The following ITIH5 variants were observed in gnomAD, a reference collection of about 807,000 sequenced individuals.
ITIH5 encodes the protein inter-alpha-trypsin inhibitor heavy chain 5.
A neutral mutation model predicts 77.5 loss-of-function variants in ITIH5; 65 were observed. That is an observed-to-expected ratio of 0.84 (90% CI 0.69 to 1.03). ITIH5 has a LOEUF of 1.03. ITIH5 is among the 50% of genes least tolerant of loss of function. The pLI, the probability that ITIH5 is intolerant of heterozygous loss-of-function variation, is 0.00. For synonymous variants in ITIH5, 525 were observed against 494.3 expected, an observed-to-expected ratio of 1.06 and a Z score of -0.82; for missense variants, 1,208 against 1,213.1, an observed-to-expected ratio of 1.00 and a Z score of 0.06.
At chr10:7,658,600 G>A (rs1470051973) in intron 1 of ITIH5, among the ~76,000 whole-genome samples, 2 of 152,180 alleles carry the variant, frequency 1.3e-5, no homozygotes, top group Non-Finnish European at 2.9e-5. Context: ...GGAGACATGA[G>A]ATGTCAATCA....
chr10:7,611,930 T>TTTTTTTA (rs1554754075), intron 7 of ITIH5, among the ~76,000 whole-genome samples: 1 of 151,016 alleles, frequency 6.6e-6, no homozygotes, highest in Non-Finnish European at 1.5e-5. Flanking sequence ...TTTTTTTTTT[T>TTTTTTTA]ACATATTTTG....
In ITIH5 at chr10:7,560,291, A is replaced by T. The variant is rs1832017294; in HGVS notation, c.*2792T>A. 6.4e-6 allele frequency: 1 copy of T among 156,648 alleles called. No individual in the cohort carries two copies. The highest frequency in any genetic ancestry group is 1.4e-5 in the Non-Finnish European group (1 of 71,172). 9.7% of individuals were successfully genotyped at this position (156,648 alleles called of 1,614,324 possible). On this transcript the variant is annotated 3_prime_UTR_variant, in exon 14 of 14. Coordinates refer to ENST00000397146, the MANE Select transcript of ITIH5 (RefSeq NM_030569.7). ...ACATATGAATTTGGGGAAGACATAT[A>T]CACTCAATCCAAGGCATGTCGTTTA...
In ITIH5 at chr10:7,640,786, T is replaced by C; in HGVS notation, c.369A>G (p.Lys123=). The C allele has an allele frequency of 6.2e-7, 1 of 1,612,914 alleles. No homozygotes were observed. The highest frequency in any genetic ancestry group is 8.5e-7 in the Non-Finnish European group (1 of 1,178,938). Residue 123 remains lysine (K), a synonymous_variant, in exon 4 of 14, where the codon AAA becomes AAG. Transcript: ENST00000397146. ...CTTCTGTGGTTTTATTCCTTTTCTC[T>C]TTTACCCTATCACCACTCTTCTTTT... ...EREKKSGDRV[K]EKRNKTTEEN...
In ITIH5 at chr10:7,561,889, C is replaced by T. The variant is rs2050353; in HGVS notation, c.*1194G>A. ...CACAGTCTTTCTTTCTCTGCTGTTTCGCCCAAGCGCTCCCGGTATCCGTCC... is the reference window on the plus strand; with the variant it reads ...CACAGTCTTTCTTTCTCTGCTGTTTTGCCCAAGCGCTCCCGGTATCCGTCC... On this transcript the variant is annotated 3_prime_UTR_variant, in exon 14 of 14. Coordinates refer to ENST00000397146, the MANE Select transcript of ITIH5 (RefSeq NM_030569.7). 136,214 of 152,242 alleles carry T rather than the reference C, an allele frequency of 0.89. 62,757 individuals are homozygous for T. Among genetic ancestry groups the T allele is most frequent in the Non-Finnish European group, 0.99 (67,747 of 68,122 alleles). The allele number at this position is 152,242 out of a possible 1,614,324, so 9.4% of individuals were successfully genotyped here.
intron 8 of ITIH5, among the ~76,000 whole-genome samples, chr10:7,584,108 C>T (rs972286920): frequency 1.3e-5 from 2 of 152,134 alleles, no homozygotes; most frequent in Admixed American, 1.3e-4. Flanking sequence ...TGGATTCAAA[C>T]CCAGGCAGTC....
At chr10:7,618,428 C>T (rs1282923779) in intron 5 of ITIH5, 6 of 152,106 alleles carry the variant, frequency 3.9e-5, no homozygotes, top group African/African-American at 1.2e-4. Context: ...ATCTTTTAGT[C>T]CTGACCTTCA....
intron 2 of ITIH5, among the ~76,000 whole-genome samples, chr10:7,644,667 A>ATATATCACATC (rs1833962672): frequency 7.3e-6 from 1 of 136,822 alleles, no homozygotes; most frequent in African/African-American, 2.7e-5. Flanking sequence ...TATATATCAT[A>ATATATCACATC]TATATCACAT....
intron 1 of ITIH5, among the ~76,000 whole-genome samples, chr10:7,659,105 G>A (rs775668019): frequency 2.6e-5 from 4 of 152,120 alleles, no homozygotes; most frequent in African/African-American, 4.8e-5. Flanking sequence ...GGCTGGGCAC[G>A]GTGGCTCATG....
intron 10 of ITIH5, 82 bp downstream of exon 10, chr10:7,576,371 C>T: frequency 2.4e-6 from 3 of 1,226,350 alleles, no homozygotes; most frequent in Non-Finnish European, 3.3e-6. Context: ...AACACAGCTT[C>T]CTGCTGGGGC....
chr10:7,595,310 G>T (rs372130634), intron 7 of ITIH5, among the ~76,000 whole-genome samples: 2 of 150,864 alleles, frequency 1.3e-5, no homozygotes, highest in Admixed American at 1.3e-4. Context: ...TGAAAATCGC[G>T]CCCAGATAGA....
At chr10:7,575,125 C>T (rs746829976) in intron 10 of ITIH5, among the ~76,000 whole-genome samples, 3 of 152,238 alleles carry the variant, frequency 2.0e-5, no homozygotes, top group Non-Finnish European at 4.4e-5. Context: ...CCGAACTTTT[C>T]AATACATTTC....
At position 7,562,931 on chromosome 10, in the gene ITIH5, G is replaced by C; in HGVS notation, c.*152C>G. On this transcript the variant is annotated 3_prime_UTR_variant, in exon 14 of 14. Coordinates refer to ENST00000397146, the MANE Select transcript of ITIH5 (RefSeq NM_030569.7). ...CCTACCCACCCCTACCCTTCGCCCA[G>C]ACAGACGTCGGATCTATGCTGCACC... The C allele has an allele frequency of 1.3e-5, 6 of 448,162 alleles. No homozygotes were observed. The highest frequency in any genetic ancestry group is 8.6e-4 in the Middle Eastern group (1 of 1,162). The allele number at this position is 448,162 out of a possible 1,614,324, so 27.8% of individuals were successfully genotyped here.
intron 5 of ITIH5, chr10:7,621,143 A>C (rs1302994312): frequency 6.6e-6 from 1 of 152,226 alleles, no homozygotes; most frequent in African/African-American, 2.4e-5. Flanking sequence ...TGTGCCTTAC[A>C]CATAGAAAAG....
intron 1 of ITIH5, among the ~76,000 whole-genome samples, chr10:7,665,667 A>G (rs995687878): frequency 6.6e-6 from 1 of 152,192 alleles, no homozygotes; most frequent in African/African-American, 2.4e-5. Context: ...GAGTCCTTGC[A>G]AGTTTGCTCA....
rs1309894710 is a variant in ITIH5, at chr10:7,562,108, G to A, written c.*975C>T. The stretch of plus-strand genomic sequence containing the variant: ...CACCGACACGCTTCCTGCTATAGGT[G>A]GGCTGGTGGACCTGCTCTGAGCCGG... On this transcript the variant is annotated 3_prime_UTR_variant, in exon 14 of 14. Coordinates refer to ENST00000397146, the MANE Select transcript of ITIH5 (RefSeq NM_030569.7). 6.6e-6 allele frequency: 1 copy of A among 152,218 alleles called. No individual in the cohort carries two copies. The highest frequency in any genetic ancestry group is 1.5e-5 in the Non-Finnish European group (1 of 68,084). 9.4% of individuals were successfully genotyped at this position (152,218 alleles called of 1,614,324 possible).
In ITIH5 at chr10:7,573,151, T is replaced by C; in HGVS notation, c.2023A>G (p.Lys675Glu). 1 of 1,613,690 alleles carries C rather than the reference T, an allele frequency of 6.2e-7. No individual in the cohort carries two copies. The highest frequency in any genetic ancestry group is 8.5e-7 in the Non-Finnish European group (1 of 1,179,656). ...GCATCCTTTGCTTTACCTGATGTTT[T>C]AGAGATTTTAATTCTTGGCTGGTAT... ...KPYQPRIKIS[K>E]TSVDGDPHFV... The change falls in exon 11 of 14, where the codon AAA becomes GAA. Residue 675 changes from lysine (K) to glutamate (E), a missense_variant. Transcript: ENST00000397146.
intron 8 of ITIH5, among the ~76,000 whole-genome samples, chr10:7,580,358 A>G (rs1276933363): frequency 1.3e-5 from 2 of 152,094 alleles, no homozygotes; most frequent in Middle Eastern, 6.3e-3. Context: ...GACCTCAAGT[A>G]ATCCGCCCAC....
Position 7,560,784 on chromosome 10 carries a change from T to G in ITIH5, c.*2299A>C, listed in dbSNP as rs1832026796. On this transcript the variant is annotated 3_prime_UTR_variant, in exon 14 of 14. Coordinates refer to ENST00000397146, the MANE Select transcript of ITIH5 (RefSeq NM_030569.7). ...AACCCTCGCCCTGGTTTATAAATGC[T>G]CAAGGAAAATAAATGATTGCCCAGA... is the stretch of plus-strand genomic sequence containing the variant. 1 of 151,806 alleles carries G rather than the reference T, an allele frequency of 6.6e-6. No homozygotes were observed. Among genetic ancestry groups the G allele is most frequent in the Non-Finnish European group, 1.5e-5 (1 of 68,012 alleles). 9.4% of individuals were successfully genotyped at this position (151,806 alleles called of 1,614,324 possible).
intron 7 of ITIH5, among the ~76,000 whole-genome samples, chr10:7,604,668 G>A (rs998419197): frequency 6.6e-6 from 1 of 152,228 alleles, no homozygotes; most frequent in East Asian, 1.9e-4. Flanking sequence ...CCCCAACCAA[G>A]AATTCACTCA....
Sources: gnomAD v4.1 joint callset for allele counts (sites outside exome capture counted in the v4.1 genomes callset) on GRCh38, gnomAD v4.1.1 for gene constraint, MANE v1.5 for transcripts, NCBI Gene and HGNC (gene_info 2026-07-23, HGNC 2026-07-21) for gene names.